PLPPR2: variants seen among roughly 807,000 people sequenced by gnomAD.
The protein encoded by PLPPR2 is phospholipid phosphatase related 2, also known as phospholipid phosphatase-related protein type 2.
Under a neutral mutation model 40.3 loss-of-function variants are expected in PLPPR2, and 11 were observed. The ratio of observed to expected loss-of-function variants is 0.27; its 90% CI spans 0.17 to 0.45. The LOEUF is 0.45. PLPPR2 is among the 20% of genes least tolerant of loss of function. PLPPR2 has a pLI of 1.00. For synonymous variants in PLPPR2, 260 were observed against 290.8 expected, an observed-to-expected ratio of 0.89 and a Z score of 1.08; for missense variants, 497 against 640.7, an observed-to-expected ratio of 0.78 and a Z score of 2.42.
chr19:11,364,036 C>T lies in PLPPR2; in HGVS notation c.964-125C>T. The T allele has an allele frequency of 7.2e-7, 1 of 1,392,492 alleles. No individual in the cohort carries two copies. Among genetic ancestry groups the T allele is most frequent in the Middle Eastern group, 2.1e-4 (1 of 4,760 alleles). 86.3% of individuals were successfully genotyped at this position (1,392,492 alleles called of 1,614,324 possible). On this transcript the variant is annotated intron_variant, in intron 8 of 9. Transcript: ENST00000688289. The surrounding 1 kb of genome is among the most constrained non-coding windows in gnomAD (Gnocchi z 5.8). ...CACCCCCGTCTTCTTCCCAGGGGGACACGGTTAATCATGAGAACTGTGGTT... is the reference window on the plus strand; with the variant it reads ...CACCCCCGTCTTCTTCCCAGGGGGATACGGTTAATCATGAGAACTGTGGTT...
In PLPPR2 at chr19:11,363,584, C is replaced by T; in HGVS notation, c.841-129C>T. On this transcript the variant is annotated intron_variant, in intron 7 of 9. Transcript: ENST00000688289. This position sits in a 1 kb window ranked among gnomAD's most constrained non-coding sequence, Gnocchi z 4.8. The stretch of plus-strand genomic sequence containing the variant: ...AAAATGGAACCAACAGTGCCTGGCA[C>T]ATACTATGCATTAGCTGTTTTTGAA... 2 of 1,069,528 alleles carry T rather than the reference C, an allele frequency of 1.9e-6. No homozygotes were observed. The highest frequency in any genetic ancestry group is 3.8e-5 in the South Asian group (2 of 52,472). 66.3% of individuals were successfully genotyped at this position (1,069,528 alleles called of 1,614,324 possible).
Position 11,359,294 on chromosome 19 carries a change from G to T in PLPPR2, c.67-238G>T, listed in dbSNP as rs1357845105. ...TTACAGGCACGAGCCGCTGCACACG[G>T]CCCCTCTGTTTCTGTCTCCTTCTCC... is the stretch of plus-strand genomic sequence containing the variant. On this transcript the variant is annotated intron_variant, in intron 3 of 9. Coordinates refer to ENST00000688289, the MANE Select transcript of PLPPR2 (RefSeq NM_001393892.1). The surrounding 1 kb of genome is among the most constrained non-coding windows in gnomAD (Gnocchi z 5.6). 6.6e-6 allele frequency among the ~76,000 whole-genome samples: 1 copy of T among 152,094 alleles called. No individual in the cohort carries two copies. The highest frequency in any genetic ancestry group is 1.9e-4 in the East Asian group (1 of 5,194).
chr19:11,359,416 TTC>T lies in PLPPR2; in HGVS notation c.67-114_67-113del, dbSNP rs1446053107. 3.2e-6 allele frequency: 3 copies of T among 929,338 alleles called. No individual in the cohort carries two copies. The highest frequency in any genetic ancestry group is 4.5e-6 in the Non-Finnish European group (3 of 660,496). The allele number at this position is 929,338 out of a possible 1,614,324, so 57.6% of individuals were successfully genotyped here. ...TCTCTGTCTCTCTCCATCTTCTAGT[TTC>T]TGTCTCTAACCCATGTTTCTCCATC... On this transcript the variant is annotated intron_variant, in intron 3 of 9. Transcript: ENST00000688289. This position sits in a 1 kb window ranked among gnomAD's most constrained non-coding sequence, Gnocchi z 5.6.
chr19:11,358,045 G>C (rs771000012), intron 3 of PLPPR2, among the ~76,000 whole-genome samples: 58 of 76,662 alleles, frequency 7.6e-4, no homozygotes, highest in Non-Finnish European at 1.1e-3. Flanking sequence ...GTGTGTGTGT[G>C]TGTGTGTGTG....
chr19:11,364,536 G>A lies in PLPPR2; in HGVS notation c.1205G>A (p.Gly402Glu). 1.3e-6 allele frequency: 2 copies of A among 1,535,816 alleles called. No individual in the cohort carries two copies. Among genetic ancestry groups the A allele is most frequent in the South Asian group, 1.2e-5 (1 of 83,960 alleles). The change falls in exon 10 of 10, where the codon GGG (glycine) becomes GAG (glutamate). Residue 402 changes from glycine to glutamate, a missense_variant. Coordinates refer to ENST00000688289, the MANE Select transcript of PLPPR2 (RefSeq NM_001393892.1). The surrounding 1 kb of genome is among the most constrained non-coding windows in gnomAD (Gnocchi z 5.8). ...QGPSPSSPGPGGPGGGGGRGR... is the reference protein window; with the variant it reads ...QGPSPSSPGPEGPGGGGGRGR... ...CCCTCGCCTTCCTCCCCTGGACCTG[G>A]GGGGCCAGGCGGGGGTGGTGGACGT...
Position 11,362,327 on chromosome 19 carries a change from C to T in PLPPR2, c.664-186C>T, listed in dbSNP as rs113621308. 6 of 578,712 alleles carry T rather than the reference C, an allele frequency of 1.0e-5. No individual in the cohort carries two copies. Among genetic ancestry groups the T allele is most frequent in the Admixed American group, 3.0e-5 (1 of 33,580 alleles). 35.8% of individuals were successfully genotyped at this position (578,712 alleles called of 1,614,324 possible). ...CAAGACCTCAATCCCTGACCCCCCC[C>T]CCTTTGCCTTTTTGGTCACGCTCCC... is the stretch of plus-strand genomic sequence containing the variant. On this transcript the variant is annotated intron_variant, in intron 6 of 9. Coordinates refer to ENST00000688289, the MANE Select transcript of PLPPR2 (RefSeq NM_001393892.1). This position sits in a 1 kb window ranked among gnomAD's most constrained non-coding sequence, Gnocchi z 5.3.
In PLPPR2 at chr19:11,364,101, G is replaced by T; in HGVS notation, c.964-60G>T. The T allele has an allele frequency of 6.4e-7, 1 of 1,553,778 alleles. No homozygotes were observed. The highest frequency in any genetic ancestry group is 8.7e-7 in the Non-Finnish European group (1 of 1,146,910). On this transcript the variant is annotated intron_variant, in intron 8 of 9. Transcript: ENST00000688289. This position sits in a 1 kb window ranked among gnomAD's most constrained non-coding sequence, Gnocchi z 5.8. ...GCTCTTCACCTGATGAGCTCCTTGT[G>T]GCTGTGGCCGGTAGGGCCCAGGGGG...
intron 2 of PLPPR2, among the ~76,000 whole-genome samples, chr19:11,357,399 G>A (rs763312047): frequency 6.6e-6 from 1 of 152,100 alleles, no homozygotes; most frequent in Non-Finnish European, 1.5e-5. Context: ...CATGTAGGCT[G>A]TAAAGGAAGG....
At chr19:11,360,038 CATA>C (rs1467031268) in intron 5 of PLPPR2, 82 bp downstream of exon 5, 35 of 1,466,636 alleles carry the variant, frequency 2.4e-5, no homozygotes, top group South Asian at 4.2e-5. Flanking sequence ...GCCTGACAGT[CATA>C]ATAATTCCAG....
chr19:11,361,579 C>G lies in PLPPR2; in HGVS notation c.663+91C>G. 1 of 1,493,158 alleles carries G rather than the reference C, an allele frequency of 6.7e-7. No homozygotes were observed. Among genetic ancestry groups the G allele is most frequent in the Non-Finnish European group, 8.9e-7 (1 of 1,119,390 alleles). 92.5% of individuals were successfully genotyped at this position (1,493,158 alleles called of 1,614,324 possible). On this transcript the variant is annotated intron_variant, in intron 6 of 9. Transcript: ENST00000688289. The surrounding 1 kb of genome is among the most constrained non-coding windows in gnomAD (Gnocchi z 6.3). ...AGCCGCCAGGGTTGGAGCCTCTGCT[C>G]TTCCACGCCCCGGGTGCTGTTGGAA...
chr19:11,359,756 C>A lies in PLPPR2; in HGVS notation c.255+36C>A. The A allele has an allele frequency of 6.3e-7, 1 of 1,577,336 alleles. No individual in the cohort carries two copies. Among genetic ancestry groups the A allele is most frequent in the Non-Finnish European group, 8.7e-7 (1 of 1,155,774 alleles). ...GAAGACCTCCTAGGAGGCAGGTGGG[C>A]CGGTAAGGGTGGGTGAGGGGATGGG... On this transcript the variant is annotated intron_variant, in intron 4 of 9. Coordinates refer to ENST00000688289, the MANE Select transcript of PLPPR2 (RefSeq NM_001393892.1). The surrounding 1 kb of genome is among the most constrained non-coding windows in gnomAD (Gnocchi z 5.6).
At position 11,357,752 on chromosome 19, in the gene PLPPR2, G is replaced by A. The variant is rs181314674; in HGVS notation, c.66+13G>A. On this transcript the variant is annotated intron_variant, in intron 3 of 9. Coordinates refer to ENST00000688289, the MANE Select transcript of PLPPR2 (RefSeq NM_001393892.1). Reference sequence around the variant, plus strand: ...TGTCTTCGTGGAGGTGAGGACCCCCGTACCTCTCCCAGAGACGGCGTGCCT... The same window carrying A: ...TGTCTTCGTGGAGGTGAGGACCCCCATACCTCTCCCAGAGACGGCGTGCCT... 137 of 1,592,318 alleles carry A rather than the reference G, an allele frequency of 8.6e-5. 1 individual carries two copies. In the East Asian group the frequency reaches 2.1e-3, roughly 25 times the overall value.
intron 3 of PLPPR2, among the ~76,000 whole-genome samples, chr19:11,358,748 T>C (rs902626780): frequency 6.6e-6 from 1 of 151,770 alleles, no homozygotes; most frequent in African/African-American, 2.4e-5. Context: ...GGAGTCTTGC[T>C]CCGCTGCCCA....
chr19:11,364,339 A>G lies in PLPPR2; in HGVS notation c.1016-8A>G. 1.3e-6 allele frequency: 2 copies of G among 1,517,798 alleles called. No homozygotes were observed. The highest frequency in any genetic ancestry group is 8.8e-7 in the Non-Finnish European group (1 of 1,133,584). 94.0% of individuals were successfully genotyped at this position (1,517,798 alleles called of 1,614,324 possible). A position where few individuals can be genotyped will look rare whatever the true frequency, so the allele number is the denominator to read the frequency against. ...CTGATCCCCTGATATCTGGCTTCTG[A>G]CCACCAGAGTCGCAGAACTGCGCCC... On this transcript the variant is annotated splice_polypyrimidine_tract_variant and splice_region_variant and intron_variant, in intron 9 of 9. Transcript: ENST00000688289. This position sits in a 1 kb window ranked among gnomAD's most constrained non-coding sequence, Gnocchi z 5.8.
At position 11,359,279 on chromosome 19, in the gene PLPPR2, G is replaced by C. The variant is rs903319523; in HGVS notation, c.67-253G>C. ...CCCAAAGTGCTGGAATTACAGGCAC[G>C]AGCCGCTGCACACGGCCCCTCTGTT... On this transcript the variant is annotated intron_variant, in intron 3 of 9. Coordinates refer to ENST00000688289, the MANE Select transcript of PLPPR2 (RefSeq NM_001393892.1). The surrounding 1 kb of genome is among the most constrained non-coding windows in gnomAD (Gnocchi z 5.6). Among the ~76,000 whole-genome samples, 112 of 152,210 alleles carry C rather than the reference G, an allele frequency of 7.4e-4. No homozygotes were observed. The highest frequency in any genetic ancestry group is 2.6e-3 in the African/African-American group (107 of 41,530).
In PLPPR2 at chr19:11,362,306, ACC is replaced by A; in HGVS notation, c.664-206_664-205del. On this transcript the variant is annotated intron_variant, in intron 6 of 9. Transcript: ENST00000688289. This position sits in a 1 kb window ranked among gnomAD's most constrained non-coding sequence, Gnocchi z 5.3. ...CAGGTGGTGCCCACGAGACTCCAAG[ACC>A]TCAATCCCTGACCCCCCCCCCTTTG... is the stretch of plus-strand genomic sequence containing the variant. The A allele has an allele frequency of 1.7e-6, 1 of 577,156 alleles. No homozygotes were observed. The highest frequency in any genetic ancestry group is 3.0e-5 in the Admixed American group (1 of 32,794). 35.8% of individuals were successfully genotyped at this position (577,156 alleles called of 1,614,324 possible).
chr19:11,361,766 A>G lies in PLPPR2; in HGVS notation c.663+278A>G, dbSNP rs1279281435. On this transcript the variant is annotated intron_variant, in intron 6 of 9. Coordinates refer to ENST00000688289, the MANE Select transcript of PLPPR2 (RefSeq NM_001393892.1). The surrounding 1 kb of genome is among the most constrained non-coding windows in gnomAD (Gnocchi z 6.3). ...CGAGGGAAACTGTTGGCTCTACCCT[A>G]TGGCATCAGGACAGTCCCTGATGTG... 1.3e-5 allele frequency among the ~76,000 whole-genome samples: 2 copies of G among 151,708 alleles called. No homozygotes were observed. Among genetic ancestry groups the G allele is most frequent in the Non-Finnish European group, 2.9e-5 (2 of 67,926 alleles).
chr19:11,362,093 G>A lies in PLPPR2; in HGVS notation c.664-420G>A, dbSNP rs1439746076. Among the ~76,000 whole-genome samples, 1 of 152,102 alleles carries A rather than the reference G, an allele frequency of 6.6e-6. No individual in the cohort carries two copies. The highest frequency in any genetic ancestry group is 1.9e-4 in the East Asian group (1 of 5,194). The stretch of plus-strand genomic sequence containing the variant: ...CCACCCTGTCAGTGGTCCCCTAGGG[G>A]TCAGGGGCTCCACCTCCTACAGCTC... On this transcript the variant is annotated intron_variant, in intron 6 of 9. Coordinates refer to ENST00000688289, the MANE Select transcript of PLPPR2 (RefSeq NM_001393892.1). The surrounding 1 kb of genome is among the most constrained non-coding windows in gnomAD (Gnocchi z 5.3).
At position 11,355,455 on chromosome 19, in the gene PLPPR2, G is replaced by C. The variant is rs554576940; in HGVS notation, c.-307G>C. Reference sequence around the variant, plus strand: ...GAGTCTGCGCGGCGCGGCCAGGCCCGGCCGACCGCGTCTCGGTCTTCGCGT... The same window carrying C: ...GAGTCTGCGCGGCGCGGCCAGGCCCCGCCGACCGCGTCTCGGTCTTCGCGT... On this transcript the variant is annotated 5_prime_UTR_variant, in exon 1 of 10. Coordinates refer to ENST00000688289, the MANE Select transcript of PLPPR2 (RefSeq NM_001393892.1). 1 of 152,518 alleles carries C rather than the reference G, an allele frequency of 6.6e-6. No homozygotes were observed. Among genetic ancestry groups the C allele is most frequent in the South Asian group, 2.0e-4 (1 of 4,992 alleles). 9.4% of individuals were successfully genotyped at this position (152,518 alleles called of 1,614,324 possible). A position where few individuals can be genotyped will look rare whatever the true frequency, so the allele number is the denominator to read the frequency against.
Sources: gnomAD v4.1 joint callset for allele counts (sites outside exome capture counted in the v4.1 genomes callset) on GRCh38, gnomAD v4.1.1 for gene constraint, Gnocchi (gnomAD v3.1) non-coding constraint, MANE v1.5 for transcripts, NCBI Gene and HGNC (gene_info 2026-07-23, HGNC 2026-07-21) for gene names.